WDR59: variants seen among roughly 807,000 people sequenced by gnomAD.
WDR59 encodes the protein GATOR2 complex protein WDR59.
A neutral mutation model predicts 131.2 loss-of-function variants in WDR59; 100 were observed. That is an observed-to-expected ratio of 0.76 (90% CI 0.65 to 0.90). WDR59 has a LOEUF of 0.90. Among genes scored for constraint, WDR59 ranks in the 40% least tolerant of loss-of-function variants. The pLI is 0.00. For synonymous variants in WDR59, 601 were observed against 466.2 expected, an observed-to-expected ratio of 1.29 and a Z score of -3.72; for missense variants, 1,203 against 1,262.2, an observed-to-expected ratio of 0.95 and a Z score of 0.71.
intron 18 of WDR59, among the ~76,000 whole-genome samples, chr16:74,900,269 A>C (rs1965489879): frequency 1.3e-5 from 2 of 152,082 alleles, no homozygotes; most frequent in South Asian, 4.1e-4. Flanking sequence ...GTGTCTTGAC[A>C]TTGGGCCTGC....
At chr16:74,970,137 C>T (rs568117416) in intron 1 of WDR59, among the ~76,000 whole-genome samples, 1 of 152,216 alleles carries the variant, frequency 6.6e-6, no homozygotes, top group African/African-American at 2.4e-5. Flanking sequence ...GCTGCCTAGG[C>T]TAGTCTAGAA....
chr16:74,984,898 G>T (rs1399329498), intron 1 of WDR59, 66 bp downstream of exon 1: 2 of 1,571,552 alleles, frequency 1.3e-6, no homozygotes, highest in Non-Finnish European at 1.7e-6. Flanking sequence ...GACGGAAGCA[G>T]CCGCGTGGGG....
chr16:74,957,073 T>C (rs1165099332), intron 2 of WDR59, among the ~76,000 whole-genome samples: 1 of 142,496 alleles, frequency 7.0e-6, no homozygotes, highest in East Asian at 2.4e-4. Context: ...TTGAATATCT[T>C]TTTTTTTCTT....
At position 74,888,256 on chromosome 16, in the gene WDR59, T is replaced by C; in HGVS notation, c.2259A>G (p.Glu753=). The change falls in exon 22 of 26, where the codon GAA becomes GAG. Residue 753 remains glutamate, a synonymous_variant. Coordinates refer to ENST00000262144, the MANE Select transcript of WDR59 (RefSeq NM_030581.4). ...QTLAMLCSVF[E]AQSRPQGLPN... ...GTAGCCCCTGAGGCCGAGACTGGGC[T>C]TCAAACACGCTACAGAGCATCGCCA... 3 of 1,614,102 alleles carry C rather than the reference T, an allele frequency of 1.9e-6. No individual in the cohort carries two copies. The highest frequency in any genetic ancestry group is 2.5e-6 in the Non-Finnish European group (3 of 1,179,986).
intron 25 of WDR59, among the ~76,000 whole-genome samples, chr16:74,875,813 C>T (rs1432480131): frequency 6.6e-6 from 1 of 152,168 alleles, no homozygotes; most frequent in African/African-American, 2.4e-5. Flanking sequence ...CCATGCCTGC[C>T]CACAAGAGGC....
At chr16:74,962,907 T>C (rs1376932194) in intron 2 of WDR59, 1 of 152,000 alleles carries the variant, frequency 6.6e-6, no homozygotes, top group African/African-American at 2.4e-5. Flanking sequence ...GAAATACCAT[T>C]TGACCCAGCA....
chr16:74,938,043 A>C, intron 8 of WDR59, 107 bp downstream of exon 8: 2 of 734,804 alleles, frequency 2.7e-6, no homozygotes, highest in South Asian at 3.1e-5. Flanking sequence ...TGCACCGTGA[A>C]ATACATACTG....
At chr16:74,901,994 A>G (rs1371724445) in intron 18 of WDR59, among the ~76,000 whole-genome samples, 1 of 152,230 alleles carries the variant, frequency 6.6e-6, no homozygotes, top group African/African-American at 2.4e-5. Flanking sequence ...AAGTTGAACC[A>G]CATGAATCTT....
intron 1 of WDR59, among the ~76,000 whole-genome samples, chr16:74,966,458 C>A (rs2033780782): frequency 6.6e-6 from 1 of 151,972 alleles, no homozygotes; most frequent in African/African-American, 2.4e-5. Flanking sequence ...CCAGCCTGGG[C>A]AACAGACTGA....
intron 1 of WDR59, among the ~76,000 whole-genome samples, chr16:74,974,028 G>T (rs1412623478): frequency 1.3e-5 from 2 of 152,136 alleles, no homozygotes; most frequent in Non-Finnish European, 2.9e-5. Flanking sequence ...AAATTAGCTG[G>T]GCATGGTGGC....
rs765022631 is a variant in WDR59, at chr16:74,912,263, C to T, written c.1324G>A (p.Ala442Thr). ...KFPAQYPNNA[A>T]PSFQFINPTT... ...GGGTTAATAAACTGGAAGGAAGGGG[C>T]GGCGTTGTTTGGGTACTGTGCAGGG... Residue 442 changes from alanine (A) to threonine (T), a missense_variant, in exon 14 of 26, where the codon GCC becomes ACC. By Grantham distance (58) the Ala-to-Thr change is moderately conservative. Transcript: ENST00000262144. 12 of 1,614,100 alleles carry T rather than the reference C, an allele frequency of 7.4e-6. No individual in the cohort carries two copies. Among genetic ancestry groups the T allele is most frequent in the South Asian group, 2.2e-5 (2 of 91,074 alleles).
intron 10 of WDR59, among the ~76,000 whole-genome samples, chr16:74,919,316 G>A (rs1415751724): frequency 6.6e-6 from 1 of 151,514 alleles, no homozygotes; most frequent in African/African-American, 2.4e-5. Context: ...TTTGCTCTTG[G>A]AACACCTTTT....
In WDR59 at chr16:74,929,484, A is replaced by G. The variant is rs529263771; in HGVS notation, c.652-5481T>C. Among the ~76,000 whole-genome samples, 3 of 152,350 alleles carry G rather than the reference A, an allele frequency of 2.0e-5. No homozygotes were observed. The East Asian group carries it at 5.8e-4, about 29-fold the overall frequency. ...CAAATCAAAACTACAATGAGATATC[A>G]TCTCACACCGATTAAAATGGCTGTT... On this transcript the variant is annotated intron_variant, in intron 8 of 25. Transcript: ENST00000262144.
chr16:74,984,909 G>T, intron 1 of WDR59, 55 bp downstream of exon 1: 1 of 1,582,006 alleles, frequency 6.3e-7, no homozygotes, highest in Non-Finnish European at 8.6e-7. Context: ...CCGCGTGGGG[G>T]AGGGGAAGCG....
chr16:74,897,947 G>A (rs1418260561), intron 18 of WDR59, among the ~76,000 whole-genome samples: 1 of 152,164 alleles, frequency 6.6e-6, no homozygotes, highest in Admixed American at 6.5e-5. Context: ...AGCTGGAGAG[G>A]TGAAATCTCA....
chr16:74,977,673 G>A (rs1034354237), intron 1 of WDR59, among the ~76,000 whole-genome samples: 2 of 152,066 alleles, frequency 1.3e-5, no homozygotes, highest in Non-Finnish European at 2.9e-5. Context: ...AGATAACAGA[G>A]CAAGATTCTG....
chr16:74,914,610 T>C (rs941100282), intron 13 of WDR59, among the ~76,000 whole-genome samples: 46 of 127,028 alleles, frequency 3.6e-4, no homozygotes, highest in African/African-American at 1.3e-3. Flanking sequence ...TTTTTTTTTT[T>C]CGAGACGGAG....
At chr16:74,876,406 T>G (rs180762520) in intron 25 of WDR59, among the ~76,000 whole-genome samples, 1 of 152,244 alleles carries the variant, frequency 6.6e-6, no homozygotes, top group Non-Finnish European at 1.5e-5. Flanking sequence ...ATTATGAGAA[T>G]GTAAATATTG....
At chr16:74,904,460 A>C (rs909621833) in intron 17 of WDR59, 14 of 187,684 alleles carry the variant, frequency 7.5e-5, no homozygotes, top group Non-Finnish European at 2.2e-5. Context: ...TCAAATACCT[A>C]GGAATAAATT....
Sources: allele counts gnomAD v4.1 joint callset (sites outside exome capture counted in the v4.1 genomes callset), GRCh38; gene constraint gnomAD v4.1.1; transcripts MANE v1.5; gene names NCBI Gene and HGNC (gene_info 2026-07-23, HGNC 2026-07-21).